Variants in DOK7 observed in about 807,000 individuals in gnomAD.
DOK7 encodes docking protein 7, also known as protein Dok-7.
A neutral mutation model predicts 30.7 loss-of-function variants in DOK7; 32 were observed. That is an observed-to-expected ratio of 1.04 (90% CI 0.79 to 1.40). DOK7 has a LOEUF of 1.40. Ranked by LOEUF, DOK7 falls within the 40% of genes most tolerant of loss-of-function variation. DOK7 has a pLI of 0.00. For missense variants in DOK7, 1,007 were observed against 699.2 expected, an observed-to-expected ratio of 1.44 and a Z score of -4.97; for synonymous variants, 447 against 324.1, an observed-to-expected ratio of 1.38 and a Z score of -4.07.
chr4:3,466,234 G>A (rs991778176), intron 2 of DOK7, among the ~76,000 whole-genome samples: 6 of 152,084 alleles, frequency 3.9e-5, no homozygotes, highest in Admixed American at 3.3e-4. Flanking sequence ...GAAGTTCCGC[G>A]CCTGCCCCCG....
At position 3,494,459 on chromosome 4, in the gene DOK7, T is replaced by G; in HGVS notation, c.*958T>G. On this transcript the variant is annotated 3_prime_UTR_variant, in exon 7 of 7. Transcript: ENST00000340083. ...AACCCAGACACTGTTTGTAATAGACTGGAAATAAAATGTTCTTTCCTTACC... is the reference window on the plus strand; with the variant it reads ...AACCCAGACACTGTTTGTAATAGACGGGAAATAAAATGTTCTTTCCTTACC... 1 of 985,490 alleles carries G rather than the reference T, an allele frequency of 1.0e-6. No homozygotes were observed. The highest frequency in any genetic ancestry group is 1.2e-6 in the Non-Finnish European group (1 of 829,930). The allele number at this position is 985,490 out of a possible 1,614,324, so 61.0% of individuals were successfully genotyped here.
At chr4:3,470,310 C>T (rs1335383500) in intron 2 of DOK7, among the ~76,000 whole-genome samples, 2 of 152,226 alleles carry the variant, frequency 1.3e-5, no homozygotes, top group East Asian at 3.9e-4. Flanking sequence ...TGCAGAAACC[C>T]TGTTCCCAAA....
At chr4:3,480,664 G>T (rs780090165) in intron 4 of DOK7, among the ~76,000 whole-genome samples, 1 of 152,184 alleles carries the variant, frequency 6.6e-6, no homozygotes. Flanking sequence ...CTACATGAAC[G>T]CGGCATCTGC....
At position 3,470,544 on chromosome 4, in the gene DOK7, C is replaced by A. The variant is rs540062579; in HGVS notation, c.101-2862C>A. The stretch of plus-strand genomic sequence containing the variant: ...CGTGGGTTCAGCATGCGCCCCACCA[C>A]CAGCCTTGCAGGGGTAGAGGTCTAG... On this transcript the variant is annotated intron_variant, in intron 2 of 6. Transcript: ENST00000340083. 1.7e-3 allele frequency among the ~76,000 whole-genome samples: 263 copies of A among 152,272 alleles called. 4 individuals are homozygous for A. Among genetic ancestry groups the A allele is most frequent in the African/African-American group, 6.1e-3 (253 of 41,550 alleles).
At chr4:3,473,968 G>A (rs1192284254) in intron 3 of DOK7, among the ~76,000 whole-genome samples, 2 of 151,944 alleles carry the variant, frequency 1.3e-5, no homozygotes, top group Non-Finnish European at 2.9e-5. Context: ...GGAGCCCAGA[G>A]CCTGGCTAGG....
chr4:3,476,418 T>C lies in DOK7; in HGVS notation c.408T>C (p.Asp136=), dbSNP rs1219485664. ...SGPATLHLCN[D]VLVLARDIPP... is the part of the protein sequence containing the mutation. ...CGGCTACCCTGCACCTCTGCAATGA[T>C]GTCCTCGTCTTGGCCAGGGACATCC... Residue 136 remains aspartate (D), a synonymous_variant, in exon 4 of 7, where the codon GAT becomes GAC. Transcript: ENST00000340083. 6 of 1,613,420 alleles carry C rather than the reference T, an allele frequency of 3.7e-6. No homozygotes were observed. In the Admixed American group the frequency reaches 5.0e-5, roughly 13 times the overall value.
downstream of DOK7, among the ~76,000 whole-genome samples, chr4:3,496,387 G>C (rs183647630): frequency 1.3e-5 from 2 of 152,262 alleles, no homozygotes; most frequent in African/African-American, 2.4e-5. Flanking sequence ...CCTCAAGGAC[G>C]GGAAAGGAAA....
chr4:3,471,991 G>T (rs10024689), intron 2 of DOK7, among the ~76,000 whole-genome samples: 18,605 of 152,326 alleles, frequency 0.12, 2,570 homozygotes, highest in African/African-American at 0.35. Flanking sequence ...GGTCTACACA[G>T]GGTCTGAGGC....
chr4:3,489,373 C>A (rs973614998), intron 5 of DOK7, among the ~76,000 whole-genome samples: 1 of 152,078 alleles, frequency 6.6e-6, no homozygotes, highest in African/African-American at 2.4e-5. Flanking sequence ...TTGAAAAACT[C>A]GGTGGTGAGG....
chr4:3,494,044 C>T lies in DOK7; in HGVS notation c.*543C>T, dbSNP rs1728741392. 1 of 988,154 alleles carries T rather than the reference C, an allele frequency of 1.0e-6. No individual in the cohort carries two copies. The highest frequency in any genetic ancestry group is 1.2e-6 in the Non-Finnish European group (1 of 831,934). The allele number at this position is 988,154 out of a possible 1,614,324, so 61.2% of individuals were successfully genotyped here. A position where few individuals can be genotyped will look rare whatever the true frequency, so the allele number is the denominator to read the frequency against. On this transcript the variant is annotated 3_prime_UTR_variant, in exon 7 of 7. Coordinates refer to ENST00000340083, the MANE Select transcript of DOK7 (RefSeq NM_173660.5). ...CCTCATCCCCATCTATGGGAGGAAACTGAAGCTCAGGAGGCTGTGTGGCTT... is the reference window on the plus strand; with the variant it reads ...CCTCATCCCCATCTATGGGAGGAAATTGAAGCTCAGGAGGCTGTGTGGCTT...
Position 3,463,516 on chromosome 4 carries a change from G to A in DOK7, c.65G>A (p.Arg22Lys), listed in dbSNP as rs756962738. ...CCCCTGTCCCCGCAGTGGAAGAGTA[G>A]GTGGCTGGTGCTGCGGAAGCCGTCG... ...KLRDGKKWKS[R>K]WLVLRKPSPV... The change falls in exon 2 of 7, where the codon AGG becomes AAG. Residue 22 changes from arginine (R) to lysine (K), a missense_variant. Arg to Lys is a conservative substitution (Grantham distance 26, BLOSUM62 2). Transcript: ENST00000340083. 8 of 1,525,386 alleles carry A rather than the reference G, an allele frequency of 5.2e-6. No homozygotes were observed. The South Asian group carries it at 7.2e-5, about 14-fold the overall frequency. 94.5% of individuals were successfully genotyped at this position (1,525,386 alleles called of 1,614,324 possible). A position where few individuals can be genotyped will look rare whatever the true frequency, so the allele number is the denominator to read the frequency against.
Position 3,494,006 on chromosome 4 carries a change from C to T in DOK7, c.*505C>T, listed in dbSNP as rs113495398. On this transcript the variant is annotated 3_prime_UTR_variant, in exon 7 of 7. Coordinates refer to ENST00000340083, the MANE Select transcript of DOK7 (RefSeq NM_173660.5). ...CCACCAGCCCAGCCCCCCTGGGCTC[C>T]GTGTGCGCTGGGCCTCATCCCCATC... The T allele has an allele frequency of 5.2e-4, 520 of 992,872 alleles. 5 individuals are homozygous for T. The African/African-American group carries it at 7.0e-3, about 13-fold the overall frequency. The allele number at this position is 992,872 out of a possible 1,614,324, so 61.5% of individuals were successfully genotyped here. A position where few individuals can be genotyped will look rare whatever the true frequency, so the allele number is the denominator to read the frequency against.
At position 3,485,586 on chromosome 4, in the gene DOK7, T is replaced by C. The variant is rs573597618; in HGVS notation, c.580T>C (p.Phe194Leu). 40 of 1,608,308 alleles carry C rather than the reference T, an allele frequency of 2.5e-5. No homozygotes were observed. The South Asian group carries it at 4.3e-4, about 17-fold the overall frequency. Residue 194 changes from phenylalanine (F) to leucine (L), a missense_variant, in exon 5 of 7, where the codon TTC becomes CTC. By Grantham distance (22) the Phe-to-Leu change is conservative. Coordinates refer to ENST00000340083, the MANE Select transcript of DOK7 (RefSeq NM_173660.5). ...LSSAEGEQIS[F>L]LFDCIVRGIS... ...CTCGGCCGAGGGGGAGCAGATCAGC[T>C]TCCTGTTCGACTGCATCGTCCGAGG...
chr4:3,494,665 TCCGGGCAGCC>T (rs1355122453), downstream of DOK7, among the ~76,000 whole-genome samples: 1 of 152,056 alleles, frequency 6.6e-6, no homozygotes, highest in African/African-American at 2.4e-5. Context: ...GAGAGGCAGC[TCCGGGCAGCC>T]CCCGGGCTGG....
At chr4:3,464,216 C>A (rs1188133024) in intron 2 of DOK7, among the ~76,000 whole-genome samples, 2 of 152,186 alleles carry the variant, frequency 1.3e-5, no homozygotes, top group African/African-American at 2.4e-5. Context: ...GCCGGCCAGG[C>A]CCGGGTCTGG....
Position 3,485,632 on chromosome 4 carries a change from C to T in DOK7, c.626C>T (p.Pro209Leu), listed in dbSNP as rs902286336. Reference protein sequence around the residue: ...IVRGISPTKGPFGLRPVLPDP... With the variant: ...IVRGISPTKGLFGLRPVLPDP... ...CGAGGCATCTCCCCCACCAAGGGCC[C>T]CTTTGGGCTGCGGCCGGTTCTACCA... The change falls in exon 5 of 7, where the codon CCC (proline) becomes CTC (leucine). Residue 209 changes from proline to leucine, a missense_variant. Transcript: ENST00000340083. 6.2e-7 allele frequency: 1 copy of T among 1,603,206 alleles called. No individual in the cohort carries two copies. The highest frequency in any genetic ancestry group is 1.3e-5 in the African/African-American group (1 of 74,630).
chr4:3,490,896 C>A (rs1333358921), intron 6 of DOK7, among the ~76,000 whole-genome samples: 2 of 118,470 alleles, frequency 1.7e-5, no homozygotes, highest in African/African-American at 6.8e-5. Context: ...TCATTAATTT[C>A]TTCCTTCTCT....
intron 5 of DOK7, among the ~76,000 whole-genome samples, chr4:3,486,702 C>T (rs2109376047): frequency 1.1e-5 from 1 of 88,090 alleles, no homozygotes; most frequent in Non-Finnish European, 2.4e-5. Context: ...GGATGCACCC[C>T]TGCAGGTGTC....
At position 3,493,409 on chromosome 4, in the gene DOK7, T is replaced by C. The variant is rs1560234530; in HGVS notation, c.1423T>C (p.Trp475Arg). Residue 475 changes from tryptophan to arginine, a missense_variant, in exon 7 of 7, where the codon TGG (tryptophan) becomes CGG (arginine). Trp to Arg is a moderately radical substitution (Grantham distance 101). Transcript: ENST00000340083. The stretch of plus-strand genomic sequence containing the variant: ...GCCTGGCCCTGCCCCTGGCGAGCCC[T>C]GGGAAGCAGGCGGCCCCCACGCGGG... The part of the protein sequence containing the change: ...TLPGPAPGEP[W>R]EAGGPHAGPP... 3 of 1,598,264 alleles carry C rather than the reference T, an allele frequency of 1.9e-6. No individual in the cohort carries two copies. Among genetic ancestry groups the C allele is most frequent in the African/African-American group, 1.3e-5 (1 of 74,786 alleles).
Sources: gnomAD v4.1 joint callset for allele counts (sites outside exome capture counted in the v4.1 genomes callset) on GRCh38, gnomAD v4.1.1 for gene constraint, MANE v1.5 for transcripts, NCBI Gene and HGNC (gene_info 2026-07-23, HGNC 2026-07-21) for gene names.